BCAS1: variants seen among roughly 807,000 people sequenced by gnomAD.
The protein encoded by BCAS1 is brain enriched myelin associated protein 1, also known as breast carcinoma-amplified sequence 1.
In BCAS1, 46 loss-of-function variants were observed where a neutral mutation model predicts 65.4. The ratio of observed to expected loss-of-function variants is 0.70; its 90% CI spans 0.55 to 0.90. The LOEUF (loss-of-function observed/expected upper bound fraction) is 0.90. Ranked by LOEUF, BCAS1 falls within the 40% of genes least tolerant of loss-of-function variation. The probability of loss-of-function intolerance (pLI) is 0.00; values close to 1 mark genes in which losing one functional copy is unlikely to be tolerated. For missense variants in BCAS1, 793 were observed against 771.2 expected (o/e 1.03, Z -0.33); for synonymous variants, 298 against 293.5 (o/e 1.02, Z -0.16).
At position 53,992,650 on chromosome 20, in the gene BCAS1, T is replaced by TG; in HGVS notation, c.928-5dup. 1 of 1,366,146 alleles carries TG rather than the reference T, an allele frequency of 7.3e-7. No individual in the cohort carries two copies. The highest frequency in any genetic ancestry group is 9.8e-7 in the Non-Finnish European group (1 of 1,021,780). The allele number at this position is 1,366,146 out of a possible 1,614,324, so 84.6% of individuals were successfully genotyped here. On this transcript the variant is annotated splice_polypyrimidine_tract_variant and splice_region_variant and intron_variant, in intron 6 of 12. Transcript: ENST00000688948. ...AGACACTTTCTGCTTTCGATGCCTT[T>TG]GGGGCAACAGCAGTCACAACCTCAG... is the stretch of plus-strand genomic sequence containing the variant.
At chr20:54,037,875 T>C (rs2091925798) in intron 3 of BCAS1, among the ~76,000 whole-genome samples, 1 of 151,302 alleles carries the variant, frequency 6.6e-6, no homozygotes, top group South Asian at 2.1e-4. Context: ...CAAAGTTTAG[T>C]TAATAGAATT....
intron 9 of BCAS1, among the ~76,000 whole-genome samples, chr20:53,975,011 A>C (rs1337998199): frequency 1.3e-5 from 2 of 152,200 alleles, no homozygotes; most frequent in African/African-American, 4.8e-5. Context: ...AGTTAGTAAG[A>C]AGCTGGATCA....
chr20:53,979,640 G>C (rs1300984849), intron 8 of BCAS1, among the ~76,000 whole-genome samples: 1 of 152,232 alleles, frequency 6.6e-6, no homozygotes, highest in African/African-American at 2.4e-5. Flanking sequence ...GGTGGCAGTG[G>C]TGTGGCTTGG....
intron 4 of BCAS1, among the ~76,000 whole-genome samples, chr20:54,010,607 G>A (rs2070440386): frequency 6.6e-6 from 1 of 152,104 alleles, no homozygotes. Context: ...TAAATAAATG[G>A]AGAGACACAC....
chr20:54,061,018 T>C (rs76580719), intron 1 of BCAS1, among the ~76,000 whole-genome samples: 1,921 of 152,334 alleles, frequency 0.013, 18 homozygotes, highest in Non-Finnish European at 0.019. Context: ...ATAATAATGA[T>C]GATAATAGCA....
intron 7 of BCAS1, among the ~76,000 whole-genome samples, chr20:53,986,958 A>T (rs185811123): frequency 8.5e-5 from 13 of 152,336 alleles, no homozygotes; most frequent in Admixed American, 1.3e-4. Context: ...AAAGAGTCTT[A>T]AAGCCCATCT....
chr20:54,001,093 T>G, intron 4 of BCAS1, among the ~76,000 whole-genome samples: 1 of 152,238 alleles, frequency 6.6e-6, no homozygotes, highest in South Asian at 2.1e-4. Context: ...ATTTTTGAAC[T>G]TTGTTTTTGG....
chr20:53,957,783 G>A (rs1040574865), intron 10 of BCAS1, among the ~76,000 whole-genome samples: 6 of 152,130 alleles, frequency 3.9e-5, no homozygotes, highest in Admixed American at 6.5e-5. Context: ...AATTAATGTT[G>A]GAAGCAGGAG....
At chr20:54,052,737 C>A (rs1257664824) in intron 3 of BCAS1, among the ~76,000 whole-genome samples, 1 of 152,184 alleles carries the variant, frequency 6.6e-6, no homozygotes, top group Admixed American at 6.5e-5. Flanking sequence ...AGGGCCCTCA[C>A]CAGACACTGA....
chr20:53,986,564 A>C (rs6022894), intron 7 of BCAS1, among the ~76,000 whole-genome samples: 19,021 of 152,020 alleles, frequency 0.13, 2,587 homozygotes, highest in African/African-American at 0.34. Flanking sequence ...ATATCCTTGA[A>C]TAAATTTTCT....
chr20:54,018,805 A>G (rs1242576748), intron 4 of BCAS1, among the ~76,000 whole-genome samples: 1 of 152,224 alleles, frequency 6.6e-6, no homozygotes, highest in Non-Finnish European at 1.5e-5. Context: ...GTACCCAAGA[A>G]AAATACCAAT....
chr20:54,066,306 T>C (rs1277921059), intron 1 of BCAS1, among the ~76,000 whole-genome samples: 4 of 151,920 alleles, frequency 2.6e-5, no homozygotes, highest in African/African-American at 9.7e-5. Context: ...TCTCCTGACC[T>C]CGTGATCCGC....
intron 3 of BCAS1, among the ~76,000 whole-genome samples, chr20:54,055,379 G>A (rs575501293): frequency 9.2e-5 from 14 of 152,270 alleles, no homozygotes; most frequent in Admixed American, 2.0e-4. Flanking sequence ...GAATCATGGC[G>A]GGAGGTGAAA....
At chr20:54,011,930 A>G (rs951415828) in intron 4 of BCAS1, among the ~76,000 whole-genome samples, 2 of 152,230 alleles carry the variant, frequency 1.3e-5, no homozygotes, top group African/African-American at 4.8e-5. Context: ...CTCCTAGAGA[A>G]ATGAAGAATT....
chr20:54,041,613 TGG>T (rs2091993752), intron 3 of BCAS1, among the ~76,000 whole-genome samples: 1 of 152,036 alleles, frequency 6.6e-6, no homozygotes, highest in Admixed American at 6.6e-5. Flanking sequence ...CTGGGTACGG[TGG>T]CTTAACGCCT....
intron 10 of BCAS1, among the ~76,000 whole-genome samples, chr20:53,958,216 C>A (rs1333827089): frequency 6.6e-6 from 1 of 152,202 alleles, no homozygotes; most frequent in African/African-American, 2.4e-5. Flanking sequence ...TTGAGTACCA[C>A]CGCTCTCAGC....
At chr20:54,064,364 C>G (rs553673499) in intron 1 of BCAS1, among the ~76,000 whole-genome samples, 1 of 152,320 alleles carries the variant, frequency 6.6e-6, no homozygotes, top group East Asian at 1.9e-4. Context: ...ACCTAGACAA[C>G]CAAACCCACG....
At chr20:54,034,454 T>C (rs2091860207) in intron 3 of BCAS1, among the ~76,000 whole-genome samples, 1 of 151,268 alleles carries the variant, frequency 6.6e-6, no homozygotes, top group South Asian at 2.1e-4. Flanking sequence ...ACAAAATAAA[T>C]GTGCAAAAAT....
chr20:54,020,322 C>T (rs2091529632), intron 4 of BCAS1, among the ~76,000 whole-genome samples: 1 of 152,068 alleles, frequency 6.6e-6, no homozygotes, highest in African/African-American at 2.4e-5. Context: ...ATTTATTTTA[C>T]AAATTAATTG....
Sources: allele counts gnomAD v4.1 joint callset (sites outside exome capture counted in the v4.1 genomes callset), GRCh38; gene constraint gnomAD v4.1.1; transcripts MANE v1.5; gene names NCBI Gene and HGNC (gene_info 2026-07-23, HGNC 2026-07-21).